Variants in AKR1C1 observed in about 807,000 individuals in gnomAD.
The protein encoded by AKR1C1 is aldo-keto reductase family 1 member C1, also known as 20 alpha-hydroxysteroid dehydrogenase.
AKR1C1 carries 32 observed loss-of-function variants against 40.6 expected under a neutral mutation model. The ratio of observed to expected loss-of-function variants is 0.79; its 90% confidence interval spans 0.60 to 1.06. The LOEUF (loss-of-function observed/expected upper bound fraction) is 1.06, where lower values mean the gene tolerates loss of function less well. Among genes scored for constraint, AKR1C1 ranks in the 50% least tolerant of loss-of-function variants. AKR1C1 has a pLI of 0.00. For missense variants in AKR1C1, 320 were observed against 363.5 expected (o/e 0.88, Z 0.97); for synonymous variants, 105 against 134.2 (o/e 0.78, Z 1.50).
rs183998072 is a variant in AKR1C1, at chr10:4,964,144, T to C, written c.84+616T>C. On this transcript the variant is annotated intron_variant, in intron 1 of 8. Coordinates refer to ENST00000380872, the MANE Select transcript of AKR1C1 (RefSeq NM_001353.6). ...GGGTCAAATTTGTATCAAAATATTG[T>C]AACAGAAAAATTTCTTGTTTCTCTG... Among the ~76,000 whole-genome samples, 12 of 152,338 alleles carry C rather than the reference T, an allele frequency of 7.9e-5. No homozygotes were observed. The East Asian group carries it at 2.3e-3, about 29-fold the overall frequency.
intron 2 of AKR1C1, among the ~76,000 whole-genome samples, chr10:4,966,302 T>A (rs1309831720): frequency 6.6e-6 from 1 of 152,250 alleles, no homozygotes; most frequent in Non-Finnish European, 1.5e-5. Context: ...GCCTTTACTT[T>A]TTGAGCTCAG....
At chr10:4,973,808 A>T (rs1164837510) in intron 7 of AKR1C1, among the ~76,000 whole-genome samples, 4 of 152,032 alleles carry the variant, frequency 2.6e-5, no homozygotes, top group Non-Finnish European at 5.9e-5. Flanking sequence ...ATAAATTGAT[A>T]TACTATTTCA....
At position 4,982,043 on chromosome 10, in the gene AKR1C1, G is replaced by A. The variant is rs148834508; in HGVS notation, c.*4301G>A. ...GTGAGGCTCACTGTGGGGGGCGCAC[G>A]GCAAGCTATTCAACATTACGTACAG... On this transcript the variant is annotated 3_prime_UTR_variant, in exon 9 of 9. Coordinates refer to ENST00000380872, the MANE Select transcript of AKR1C1 (RefSeq NM_001353.6). 3.9e-5 allele frequency: 6 copies of A among 152,274 alleles called. No individual in the cohort carries two copies. Among genetic ancestry groups the A allele is most frequent in the African/African-American group, 1.2e-4 (5 of 41,550 alleles). 9.4% of individuals were successfully genotyped at this position (152,274 alleles called of 1,614,324 possible). A position where few individuals can be genotyped will look rare whatever the true frequency, so the allele number is the denominator to read the frequency against.
Position 4,978,516 on chromosome 10 carries a change from C to T in AKR1C1, c.*774C>T, listed in dbSNP as rs1836563580. 6.6e-6 allele frequency: 1 copy of T among 152,114 alleles called. No individual in the cohort carries two copies. The highest frequency in any genetic ancestry group is 2.1e-4 in the South Asian group (1 of 4,826). 9.4% of individuals were successfully genotyped at this position (152,114 alleles called of 1,614,324 possible). ...TGAATCTTTGATGTGTGCCCATTCA[C>T]AACGTTGACCCTATTGGTTTGTGGT... On this transcript the variant is annotated 3_prime_UTR_variant, in exon 9 of 9. Transcript: ENST00000380872.
chr10:4,974,406 A>T (rs1198503982), intron 7 of AKR1C1, among the ~76,000 whole-genome samples: 1 of 152,010 alleles, frequency 6.6e-6, no homozygotes, highest in African/African-American at 2.4e-5. Context: ...CTCTGTGGTT[A>T]TGTTTTCACA....
chr10:4,982,899 CTT>C lies in AKR1C1; in HGVS notation c.*5158_*5159del. ...TACCACACCCTGACCAGTCAGAGGT[CTT>C]GAGTCGGTCCGCATGACAAGTTCAC... On this transcript the variant is annotated 3_prime_UTR_variant, in exon 9 of 9. Coordinates refer to ENST00000380872, the MANE Select transcript of AKR1C1 (RefSeq NM_001353.6). The C allele has an allele frequency of 2.3e-6, 1 of 442,968 alleles. No individual in the cohort carries two copies. The highest frequency in any genetic ancestry group is 2.0e-5 in the African/African-American group (1 of 49,970). The allele number at this position is 442,968 out of a possible 1,614,324, so 27.4% of individuals were successfully genotyped here.
chr10:4,977,276 G>A (rs1242479592), intron 8 of AKR1C1, among the ~76,000 whole-genome samples: 1 of 152,130 alleles, frequency 6.6e-6, no homozygotes, highest in Admixed American at 6.5e-5. Context: ...AAGTAATTAA[G>A]TATAATTGCT....
rs914088702 is a variant in AKR1C1 at position 4,969,045 on chromosome 10, A to G, written c.570+101A>G. On this transcript the variant is annotated intron_variant, in intron 5 of 8. Transcript: ENST00000380872. ...TTAGTCCCACTTATCTTTGTAAAAG[A>G]GAAGATTCTAGAGAGCAAAGACTCT... 10 of 1,584,114 alleles carry G rather than the reference A, an allele frequency of 6.3e-6. No individual in the cohort carries two copies. In the African/African-American group the frequency reaches 1.1e-4, roughly 17 times the overall value.
intron 4 of AKR1C1, 68 bp from the exon 5 acceptor site, chr10:4,968,754 T>A (rs1243306561): frequency 4.3e-6 from 7 of 1,611,100 alleles, no homozygotes; most frequent in African/African-American, 1.3e-5. Flanking sequence ...ATCTAGACAG[T>A]TGTTACTTTC....
At chr10:4,965,730 G>T (rs1836319822) in intron 1 of AKR1C1, 184 bp from the exon 2 acceptor site, 4 of 613,534 alleles carry the variant, frequency 6.5e-6, no homozygotes, top group Non-Finnish European at 7.9e-6. Flanking sequence ...AGAAGTTCCT[G>T]CTGTGCCCAA....
intron 7 of AKR1C1, among the ~76,000 whole-genome samples, chr10:4,973,457 C>A (rs200064124): frequency 6.6e-6 from 1 of 152,190 alleles, no homozygotes; most frequent in Non-Finnish European, 1.5e-5. Flanking sequence ...CCATGCAGTT[C>A]TTTATCCTCC....
chr10:4,966,868 A>G (rs2131641344), intron 2 of AKR1C1, 59 bp from the exon 3 acceptor site: 1 of 1,489,668 alleles, frequency 6.7e-7, no homozygotes, highest in Non-Finnish European at 9.2e-7. Flanking sequence ...TAGGTGGAGC[A>G]AACTAGTAAA....
chr10:4,973,397 A>T (rs2131646255), intron 7 of AKR1C1, among the ~76,000 whole-genome samples: 1 of 152,282 alleles, frequency 6.6e-6, no homozygotes, highest in African/African-American at 2.4e-5. Context: ...GCAGTGAGGC[A>T]GCTCTGCTTC....
intron 5 of AKR1C1, chr10:4,969,895 TATA>T (rs2131643263): frequency 4.8e-6 from 3 of 628,610 alleles, no homozygotes; most frequent in Non-Finnish European, 8.1e-6. Flanking sequence ...GTGAATTTGG[TATA>T]ATGATACGGT....
rs547017467 is a variant in AKR1C1 at position 4,967,047 on chromosome 10, G to A, written c.369+4G>A. On this transcript the variant is annotated splice_donor_region_variant and intron_variant, in intron 3 of 8. Coordinates refer to ENST00000380872, the MANE Select transcript of AKR1C1 (RefSeq NM_001353.6). ...TCATTTTCCAGTGTCTGTAAAGGTA[G>A]GCAGCTTGTGTGATCAAATTAATTT... 1 of 1,610,780 alleles carries A rather than the reference G, an allele frequency of 6.2e-7. No individual in the cohort carries two copies. Among genetic ancestry groups the A allele is most frequent in the Non-Finnish European group, 8.5e-7 (1 of 1,177,240 alleles).
chr10:4,977,136 G>GT (rs1362956868), intron 8 of AKR1C1, among the ~76,000 whole-genome samples: 4 of 152,110 alleles, frequency 2.6e-5, no homozygotes, highest in Non-Finnish European at 5.9e-5. Flanking sequence ...TACATTTTGT[G>GT]TTATTTCTGC....
chr10:4,972,497 G>T, intron 6 of AKR1C1, 87 bp from the exon 7 acceptor site: 1 of 1,607,210 alleles, frequency 6.2e-7, no homozygotes, highest in Non-Finnish European at 8.5e-7. Context: ...CTCCGGTGCA[G>T]AGTGGACGCC....
Position 4,977,971 on chromosome 10 carries a change from G to C in AKR1C1, c.*229G>C, listed in dbSNP as rs3898029. The C allele has an allele frequency of 0.28, 163,879 of 583,318 alleles. 25,322 individuals carry two copies. The highest frequency in any genetic ancestry group is 0.48 in the African/African-American group (24,562 of 50,742). The allele number at this position is 583,318 out of a possible 1,614,324, so 36.1% of individuals were successfully genotyped here. On this transcript the variant is annotated 3_prime_UTR_variant, in exon 9 of 9. Coordinates refer to ENST00000380872, the MANE Select transcript of AKR1C1 (RefSeq NM_001353.6). ...CTCCTAAAGATTCTTCACCTACTTT[G>C]GTCTCCATAACTTCTATGTTTTCTT... is the stretch of plus-strand genomic sequence containing the variant.
Position 4,977,915 on chromosome 10 carries a change from G to T in AKR1C1, c.*173G>T, listed in dbSNP as rs201305635. 56 of 1,051,790 alleles carry T rather than the reference G, an allele frequency of 5.3e-5. No individual in the cohort carries two copies. Among genetic ancestry groups the T allele is most frequent in the Non-Finnish European group, 7.0e-5 (52 of 741,186 alleles). 65.2% of individuals were successfully genotyped at this position (1,051,790 alleles called of 1,614,324 possible). On this transcript the variant is annotated 3_prime_UTR_variant, in exon 9 of 9. Transcript: ENST00000380872. Reference sequence around the variant, plus strand: ...GCCAGAAAGGAAAGACAATAATTTTGTTTTTTCATTTTGAAAAAATTAAAT... The same window carrying T: ...GCCAGAAAGGAAAGACAATAATTTTTTTTTTTCATTTTGAAAAAATTAAAT...
Sources: gnomAD v4.1 joint callset for allele counts (sites outside exome capture counted in the v4.1 genomes callset) on GRCh38, gnomAD v4.1.1 for gene constraint, MANE v1.5 for transcripts, NCBI Gene and HGNC (gene_info 2026-07-23, HGNC 2026-07-21) for gene names.